SLC4A4: variants seen among roughly 807,000 people sequenced by gnomAD.
SLC4A4 encodes solute carrier family 4 member 4.
A neutral mutation model predicts 111.5 loss-of-function variants in SLC4A4; 27 were observed. The ratio of observed to expected loss-of-function variants is 0.24; its 90% CI spans 0.18 to 0.33. SLC4A4 has a LOEUF of 0.33. Among genes scored for constraint, SLC4A4 ranks in the 10% least tolerant of loss-of-function variants. The pLI is 1.00. For synonymous variants in SLC4A4, 443 were observed against 463.4 expected, an observed-to-expected ratio of 0.96 and a Z score of 0.57; for missense variants, 909 against 1,315.5, an observed-to-expected ratio of 0.69 and a Z score of 4.78.
intron 7 of SLC4A4, among the ~76,000 whole-genome samples, chr4:71,404,339 G>C (rs748634381): frequency 1.3e-5 from 2 of 152,132 alleles, no homozygotes; most frequent in Non-Finnish European, 2.9e-5. Flanking sequence ...GGATGTGTAG[G>C]AACAGGACAG....
intron 12 of SLC4A4, 22 bp from the exon 13 acceptor site, chr4:71,466,422 A>G (rs746506979): frequency 1.2e-6 from 2 of 1,613,174 alleles, no homozygotes; most frequent in African/African-American, 1.3e-5. Context: ...TTCATTTAAC[A>G]TCTATATTTT....
Position 71,357,178 on chromosome 4 carries a change from C to A in SLC4A4, c.721C>A (p.Pro241Thr), listed in dbSNP as rs1211642028. 6.2e-7 allele frequency: 1 copy of A among 1,614,028 alleles called. No homozygotes were observed. The change falls in exon 6 of 26, where the codon CCT becomes ACT. Residue 241 changes from proline (P) to threonine (T), a missense_variant. Transcript: ENST00000264485. ...VSSASRMFTN[P>T]DNGSPAMTHR... ...CAGTGCAAGTAGGATGTTTACCAAC[C>A]CTGATAATGGTAATGCAGAGGCCAG...
At chr4:71,380,961 G>A (rs1718081106) in intron 6 of SLC4A4, among the ~76,000 whole-genome samples, 1 of 152,134 alleles carries the variant, frequency 6.6e-6, no homozygotes, top group Non-Finnish European at 1.5e-5. Flanking sequence ...CAACAAGTCG[G>A]CATTCTGAAG....
At chr4:71,296,617 A>G (rs940821886) in intron 3 of SLC4A4, among the ~76,000 whole-genome samples, 1 of 152,186 alleles carries the variant, frequency 6.6e-6, no homozygotes, top group African/African-American at 2.4e-5. Context: ...GAGAGATGGA[A>G]ATATGATTTG....
intron 2 of SLC4A4, among the ~76,000 whole-genome samples, chr4:71,169,646 T>C (rs1214153196): frequency 2.0e-5 from 3 of 152,222 alleles, no homozygotes; most frequent in East Asian, 1.9e-4. Flanking sequence ...TCTTCCATTC[T>C]GTGGGTTGTC....
intron 6 of SLC4A4, among the ~76,000 whole-genome samples, chr4:71,369,675 T>G (rs879211463): frequency 6.6e-6 from 1 of 152,208 alleles, no homozygotes; most frequent in Non-Finnish European, 1.5e-5. Context: ...AATCTTTACT[T>G]TTTAAAAATT....
intron 3 of SLC4A4, among the ~76,000 whole-genome samples, chr4:71,334,724 G>T (rs1045084011): frequency 6.6e-6 from 1 of 152,202 alleles, no homozygotes; most frequent in Non-Finnish European, 1.5e-5. Flanking sequence ...TAGAGAGGAA[G>T]ACCTGGAGGT....
chr4:71,291,671 A>G (rs1004498167), intron 3 of SLC4A4, among the ~76,000 whole-genome samples: 1 of 152,248 alleles, frequency 6.6e-6, no homozygotes, highest in East Asian at 1.9e-4. Flanking sequence ...TATTGCCCTC[A>G]TAGGCACCCC....
intron 12 of SLC4A4, among the ~76,000 whole-genome samples, chr4:71,460,359 G>T (rs570836182): frequency 9.2e-5 from 14 of 152,110 alleles, no homozygotes; most frequent in African/African-American, 3.4e-4. Context: ...ATCCAGATAC[G>T]TATTCACAGC....
intron 1 of SLC4A4, among the ~76,000 whole-genome samples, chr4:71,068,449 G>A (rs543289525): frequency 1.1e-3 from 160 of 152,032 alleles, no homozygotes; most frequent in African/African-American, 3.6e-3. Flanking sequence ...TTTTGGTACC[G>A]TCAGACTCTC....
At chr4:71,073,809 C>T (rs1198937892) in intron 1 of SLC4A4, among the ~76,000 whole-genome samples, 1 of 151,944 alleles carries the variant, frequency 6.6e-6, no homozygotes, top group African/African-American at 2.4e-5. Context: ...AGGCCGGGTG[C>T]GGTGGCTTAC....
chr4:71,497,831 T>C (rs1402091572), intron 16 of SLC4A4, 139 bp downstream of exon 16: 1 of 723,990 alleles, frequency 1.4e-6, no homozygotes, highest in Non-Finnish European at 2.3e-6. Flanking sequence ...CACTTCAATC[T>C]TTGTTCATGT....
intron 3 of SLC4A4, among the ~76,000 whole-genome samples, chr4:71,289,327 A>G (rs1724148565): frequency 6.6e-6 from 1 of 152,218 alleles, no homozygotes; most frequent in Non-Finnish European, 1.5e-5. Context: ...ATTGTTTTAT[A>G]TCAGATTTGG....
chr4:71,511,650 A>G (rs1489896916), intron 16 of SLC4A4, among the ~76,000 whole-genome samples: 5 of 152,202 alleles, frequency 3.3e-5, no homozygotes, highest in South Asian at 2.1e-4. Context: ...AAGGGTATCT[A>G]TCACCCATTT....
intron 12 of SLC4A4, among the ~76,000 whole-genome samples, chr4:71,459,279 C>T (rs528434510): frequency 5.8e-4 from 88 of 151,982 alleles, no homozygotes; most frequent in African/African-American, 2.1e-3. Context: ...TTGTGTTTGA[C>T]TTGCAACTGT....
At chr4:71,437,797 G>A (rs2149052111) in intron 7 of SLC4A4, 3 of 268,284 alleles carry the variant, frequency 1.1e-5, no homozygotes, top group South Asian at 8.5e-5. Flanking sequence ...GGGAGTGAAG[G>A]TCCAGCCGCC....
chr4:71,088,475 A>G (rs1009074680), intron 1 of SLC4A4, among the ~76,000 whole-genome samples: 3 of 151,992 alleles, frequency 2.0e-5, no homozygotes, highest in Admixed American at 6.6e-5. Flanking sequence ...TTTGCTCGTT[A>G]GTTGATGCAG....
intron 13 of SLC4A4, among the ~76,000 whole-genome samples, chr4:71,466,931 A>AAGAGAGAGAGAGAG (rs61128918): frequency 1.7e-4 from 16 of 94,728 alleles, no homozygotes; most frequent in African/African-American, 4.6e-4. Flanking sequence ...ACAAGACGGG[A>AAGAGAGAGAGAGAG]AGAGAGAGAG....
At chr4:71,363,680 T>C (rs996791310) in intron 6 of SLC4A4, among the ~76,000 whole-genome samples, 5 of 152,220 alleles carry the variant, frequency 3.3e-5, no homozygotes, top group Admixed American at 6.5e-5. Flanking sequence ...CCTCTTCCTA[T>C]GTGCCTTTCT....
Sources: allele counts gnomAD v4.1 joint callset (sites outside exome capture counted in the v4.1 genomes callset), GRCh38; gene constraint gnomAD v4.1.1; transcripts MANE v1.5; gene names NCBI Gene and HGNC (gene_info 2026-07-23, HGNC 2026-07-21).